The following FANCL variants were observed in gnomAD, a reference collection of about 807,000 sequenced individuals.
FANCL encodes the protein FA complementation group L.
In FANCL, 69 loss-of-function variants were observed where a neutral mutation model predicts 59.4. That is an observed-to-expected ratio of 1.16 (90% CI 0.96 to 1.42). The LOEUF (loss-of-function observed/expected upper bound fraction) is 1.42, where lower values mean the gene tolerates loss of function less well. FANCL is among the 40% of genes most tolerant of loss of function. The probability of loss-of-function intolerance (pLI) is 0.00; values close to 1 mark genes in which losing one functional copy is unlikely to be tolerated. For missense variants in FANCL, 519 were observed against 447.2 expected (o/e 1.16, Z -1.45); for synonymous variants, 180 against 147.1 (o/e 1.22, Z -1.62).
intron 1 of FANCL, among the ~76,000 whole-genome samples, chr2:58,233,866 G>T (rs1693790143): frequency 6.6e-6 from 1 of 151,894 alleles, no homozygotes; most frequent in South Asian, 2.1e-4. Flanking sequence ...GAAGATAGGA[G>T]AAAAGATAGG....
chr2:58,212,545 T>C (rs924637808), intron 5 of FANCL, among the ~76,000 whole-genome samples: 1 of 152,212 alleles, frequency 6.6e-6, no homozygotes, highest in African/African-American at 2.4e-5. Context: ...CAAAATGGTA[T>C]GCATGATAAG....
intron 7 of FANCL, among the ~76,000 whole-genome samples, chr2:58,183,216 GAAT>G (rs1428597141): frequency 6.6e-6 from 1 of 151,546 alleles, no homozygotes; most frequent in African/African-American, 2.4e-5. Flanking sequence ...AGAAAAAAAT[GAAT>G]AAAGACATAA....
At chr2:58,221,663 A>C (rs1026961341) in intron 5 of FANCL, among the ~76,000 whole-genome samples, 6 of 152,194 alleles carry the variant, frequency 3.9e-5, no homozygotes, top group African/African-American at 1.4e-4. Flanking sequence ...AAAATTTAGA[A>C]TACAGTTGTA....
intron 1 of FANCL, among the ~76,000 whole-genome samples, chr2:58,239,459 T>C (rs1024665260): frequency 5.9e-5 from 9 of 152,150 alleles, no homozygotes; most frequent in Admixed American, 1.3e-4. Flanking sequence ...GTCTAGCTTA[T>C]AAAAAACACA....
chr2:58,204,220 C>T lies in FANCL; in HGVS notation c.381G>A (p.Val127=), dbSNP rs1198509820. 6.2e-7 allele frequency: 1 copy of T among 1,612,600 alleles called. No homozygotes were observed. Reference sequence around the variant, plus strand: ...TGGTACTGAAGCAGGTATCCGCATACACAAGTCTGGTGAGCAGAGGAGAAT... The same window carrying T: ...TGGTACTGAAGCAGGTATCCGCATATACAAGTCTGGTGAGCAGAGGAGAAT... ...EIGTLGWDKL[V]YADTCFSTIK... The change falls in exon 6 of 14, where the codon GTG becomes GTA. Residue 127 remains valine (V), a synonymous_variant. Coordinates refer to ENST00000233741, the MANE Select transcript of FANCL (RefSeq NM_018062.4).
At chr2:58,214,006 T>C (rs1691453909) in intron 5 of FANCL, among the ~76,000 whole-genome samples, 1 of 152,200 alleles carries the variant, frequency 6.6e-6, no homozygotes, top group South Asian at 2.1e-4. Flanking sequence ...AGTGGTGTTA[T>C]GTACCCAGCC....
intron 12 of FANCL, among the ~76,000 whole-genome samples, chr2:58,161,137 A>G (rs1685092249): frequency 6.6e-6 from 1 of 151,968 alleles, no homozygotes; most frequent in Non-Finnish European, 1.5e-5. Context: ...ACATAGTACT[A>G]ATTTCATTTT....
At chr2:58,210,089 T>C (rs1049528976) in intron 5 of FANCL, among the ~76,000 whole-genome samples, 1 of 152,200 alleles carries the variant, frequency 6.6e-6, no homozygotes, top group Non-Finnish European at 1.5e-5. Flanking sequence ...ATCAGCACAT[T>C]TCTACTAGAA....
chr2:58,212,484 T>G (rs545581855), intron 5 of FANCL, among the ~76,000 whole-genome samples: 1 of 152,250 alleles, frequency 6.6e-6, no homozygotes, highest in East Asian at 1.9e-4. Context: ...TGGGACATAT[T>G]TGAGACTGAC....
At chr2:58,215,812 T>A (rs1691660567) in intron 5 of FANCL, among the ~76,000 whole-genome samples, 1 of 151,772 alleles carries the variant, frequency 6.6e-6, no homozygotes, top group Admixed American at 6.6e-5. Context: ...GAACCTGGCC[T>A]AACATTCTGC....
intron 7 of FANCL, among the ~76,000 whole-genome samples, chr2:58,170,681 A>G (rs996511298): frequency 6.7e-6 from 1 of 149,688 alleles, no homozygotes; most frequent in Non-Finnish European, 1.5e-5. Flanking sequence ...ATATTTACCA[A>G]GCAAATGGAA....
intron 7 of FANCL, among the ~76,000 whole-genome samples, chr2:58,171,795 G>C (rs541823228): frequency 6.6e-6 from 1 of 152,336 alleles, no homozygotes; most frequent in South Asian, 2.1e-4. Flanking sequence ...AGCAGAAGCA[G>C]GACGAGGCAC....
Position 58,241,315 on chromosome 2 carries a change from G to T in FANCL, c.-2C>A, listed in dbSNP as rs760615591. The T allele has an allele frequency of 1.1e-5, 18 of 1,614,010 alleles. No homozygotes were observed. The South Asian group carries it at 2.0e-4, about 18-fold the overall frequency. On this transcript the variant is annotated 5_prime_UTR_variant, in exon 1 of 14. Coordinates refer to ENST00000233741, the MANE Select transcript of FANCL (RefSeq NM_018062.4). ...CAGGCTCGCTTCCGTCACCGCCATG[G>T]CTCGAAGTCCGGAGAAACACAGAAA...
chr2:58,223,925 T>A lies in FANCL; in HGVS notation c.274-1883A>T, dbSNP rs148568925. Among the ~76,000 whole-genome samples the A allele has an allele frequency of 2.1e-3, 314 of 152,044 alleles. 1 individual carries two copies. Among genetic ancestry groups the A allele is most frequent in the African/African-American group, 7.1e-3 (297 of 41,560 alleles). On this transcript the variant is annotated intron_variant, in intron 4 of 13. Transcript: ENST00000233741. ...TGGTGATTATAGTATAGGAACCCTATTACTTACAATACAGCCTAACACTAA... is the reference window on the plus strand; with the variant it reads ...TGGTGATTATAGTATAGGAACCCTAATACTTACAATACAGCCTAACACTAA...
intron 9 of FANCL, 61 bp downstream of exon 9, chr2:58,163,373 A>T (rs1685496416): frequency 3.6e-6 from 4 of 1,114,348 alleles, no homozygotes; most frequent in Non-Finnish European, 5.5e-6. Context: ...TAATAATTTA[A>T]CAATGCTAGG....
chr2:58,239,756 T>C (rs1380004187), intron 1 of FANCL, among the ~76,000 whole-genome samples: 3 of 152,158 alleles, frequency 2.0e-5, no homozygotes, highest in African/African-American at 7.2e-5. Context: ...AGGAAAATAA[T>C]GTGTATACAC....
At chr2:58,177,464 A>G (rs1687453481) in intron 7 of FANCL, among the ~76,000 whole-genome samples, 1 of 152,090 alleles carries the variant, frequency 6.6e-6, no homozygotes, top group African/African-American at 2.4e-5. Context: ...AAAAAGGATG[A>G]GTTCATGTCC....
intron 1 of FANCL, among the ~76,000 whole-genome samples, chr2:58,234,632 G>A (rs1046388546): frequency 6.6e-6 from 1 of 151,666 alleles, no homozygotes; most frequent in South Asian, 2.1e-4. Flanking sequence ...ATACCAAAAG[G>A]GATAAGTGGC....
chr2:58,235,870 A>G (rs1693968651), intron 1 of FANCL, among the ~76,000 whole-genome samples: 1 of 152,018 alleles, frequency 6.6e-6, no homozygotes, highest in African/African-American at 2.4e-5. Context: ...GCTAGATAGT[A>G]TCAACAGCAG....
Sources: gnomAD v4.1 joint callset for allele counts (sites outside exome capture counted in the v4.1 genomes callset) on GRCh38, gnomAD v4.1.1 for gene constraint, MANE v1.5 for transcripts, NCBI Gene and HGNC (gene_info 2026-07-23, HGNC 2026-07-21) for gene names.